The following RAB14 variants were observed in gnomAD, a reference collection of about 807,000 sequenced individuals.
RAB14 encodes the protein ras-related protein Rab-14.
In RAB14, 3 loss-of-function variants were observed where a neutral mutation model predicts 31.1. The observed-to-expected ratio is 0.10, with a 90% CI of 0.04 to 0.25. The LOEUF is 0.25. Ranked by LOEUF, RAB14 falls within the 10% of genes least tolerant of loss-of-function variation. The pLI, the probability that RAB14 is intolerant of heterozygous loss-of-function variation, is 1.00. For missense variants in RAB14, 111 were observed against 260.1 expected, an observed-to-expected ratio of 0.43 and a Z score of 3.94; for synonymous variants, 85 against 84.9, an observed-to-expected ratio of 1.00 and a Z score of 0.00.
intron 4 of RAB14, among the ~76,000 whole-genome samples, chr9:121,187,280 G>A (rs1013594954): frequency 7.2e-5 from 11 of 151,930 alleles, no homozygotes; most frequent in African/African-American, 1.4e-4. Context: ...AAAGCATACC[G>A]TAAACAGACC....
rs568619889 is a variant in RAB14 at position 121,198,172 on chromosome 9, T to A, written c.-8+3467A>T. Among the ~76,000 whole-genome samples, 6 of 151,192 alleles carry A rather than the reference T, an allele frequency of 4.0e-5. No homozygotes were observed. In the South Asian group the frequency reaches 1.2e-3, roughly 31 times the overall value. On this transcript the variant is annotated intron_variant, in intron 1 of 7. Coordinates refer to ENST00000373840, the MANE Select transcript of RAB14 (RefSeq NM_016322.4). Reference sequence around the variant, plus strand: ...CCCTGCACTGACTTACTATAATGAATTAAAAATAAAATTTTCTCTACCGAT... The same window carrying A: ...CCCTGCACTGACTTACTATAATGAAATAAAAATAAAATTTTCTCTACCGAT...
At chr9:121,181,703 T>C (rs1367775587) in intron 7 of RAB14, 130 bp from the exon 8 acceptor site, 2 of 553,012 alleles carry the variant, frequency 3.6e-6, no homozygotes, top group Non-Finnish European at 6.0e-6. Flanking sequence ...AATAAGAGAT[T>C]ACCAGAACAC....
chr9:121,195,539 C>T (rs2053710537), intron 1 of RAB14, among the ~76,000 whole-genome samples: 1 of 152,106 alleles, frequency 6.6e-6, no homozygotes, highest in Admixed American at 6.6e-5. Flanking sequence ...TGCTAATTAT[C>T]ATACATTCAT....
chr9:121,191,884 A>C (rs1188640488), intron 3 of RAB14, among the ~76,000 whole-genome samples: 4 of 152,140 alleles, frequency 2.6e-5, no homozygotes, highest in African/African-American at 9.7e-5. Context: ...CTGTAACAGA[A>C]AGTCAGAGAA....
intron 4 of RAB14, among the ~76,000 whole-genome samples, chr9:121,188,365 G>C (rs956914764): frequency 1.5e-4 from 23 of 151,828 alleles, no homozygotes; most frequent in African/African-American, 5.6e-4. Context: ...AGCTGACACA[G>C]AGAGTGAAGT....
chr9:121,196,815 T>A (rs1588372351), intron 1 of RAB14, among the ~76,000 whole-genome samples: 1 of 152,234 alleles, frequency 6.6e-6, no homozygotes, highest in African/African-American at 2.4e-5. Flanking sequence ...TAACTTATAA[T>A]ACTATAATTC....
rs1052375534 is a variant in RAB14 at position 121,194,370 on chromosome 9, G to A, written c.-7-951C>T. On this transcript the variant is annotated intron_variant, in intron 1 of 7. Coordinates refer to ENST00000373840, the MANE Select transcript of RAB14 (RefSeq NM_016322.4). ...TTAGAAGATATTTCAAAAGATCACA[G>A]CCCATTTCTTACCCTCAAATAGACT... Among the ~76,000 whole-genome samples, 6 of 152,130 alleles carry A rather than the reference G, an allele frequency of 3.9e-5. No individual in the cohort carries two copies. The East Asian group carries it at 1.2e-3, about 29-fold the overall frequency.
In RAB14 at chr9:121,180,812, C is replaced by A. The variant is rs1318194920; in HGVS notation, c.*584G>T. On this transcript the variant is annotated 3_prime_UTR_variant, in exon 8 of 8. Transcript: ENST00000373840. ...AAAAGATAAAGCTATTAATTAAGCA[C>A]GAGAGAGAAGATAAATGGATATTTT... 3.3e-5 allele frequency: 5 copies of A among 152,530 alleles called. No homozygotes were observed. Among genetic ancestry groups the A allele is most frequent in the Non-Finnish European group, 7.3e-5 (5 of 68,038 alleles). The allele number at this position is 152,530 out of a possible 1,614,324, so 9.4% of individuals were successfully genotyped here. A position where few individuals can be genotyped will look rare whatever the true frequency, so the allele number is the denominator to read the frequency against.
rs1290611530 is a variant in RAB14 at position 121,180,839 on chromosome 9, CCT to C, written c.*555_*556del. The C allele has an allele frequency of 2.6e-5, 4 of 152,616 alleles. No individual in the cohort carries two copies. The highest frequency in any genetic ancestry group is 2.0e-4 in the Admixed American group (3 of 15,286). 9.5% of individuals were successfully genotyped at this position (152,616 alleles called of 1,614,324 possible). A position where few individuals can be genotyped will look rare whatever the true frequency, so the allele number is the denominator to read the frequency against. On this transcript the variant is annotated 3_prime_UTR_variant, in exon 8 of 8. Coordinates refer to ENST00000373840, the MANE Select transcript of RAB14 (RefSeq NM_016322.4). ...AGAGAGAAGATAAATGGATATTTTC[CCT>C]GTGTGAGGCTAAGACAGAAGCAAAT...
chr9:121,182,960 C>T lies in RAB14; in HGVS notation c.440G>A (p.Gly147Asp). The change falls in exon 7 of 8, where the codon GGC becomes GAC. Residue 147 changes from glycine to aspartate, a missense_variant and splice_region_variant. Coordinates refer to ENST00000373840, the MANE Select transcript of RAB14 (RefSeq NM_016322.4). Reference protein sequence around the residue: ...EEAKQFAEENGLLFLEASAKT... With the variant: ...EEAKQFAEENDLLFLEASAKT... ...TGCACTCGCTTCGAGGAACAATAAG[C>T]CTAAAAATAAAATTCAGACTATAAT... The T allele has an allele frequency of 6.2e-7, 1 of 1,604,274 alleles. No homozygotes were observed. Among genetic ancestry groups the T allele is most frequent in the Non-Finnish European group, 8.5e-7 (1 of 1,173,112 alleles).
At chr9:121,190,807 A>C (rs918878733) in intron 3 of RAB14, 76 bp from the exon 4 acceptor site, 23 of 1,398,428 alleles carry the variant, frequency 1.6e-5, no homozygotes, top group Non-Finnish European at 1.3e-5. Flanking sequence ...AAAATCCACT[A>C]AATAAGCAAA....
In RAB14 at chr9:121,180,282, A is replaced by G. The variant is rs1444869757; in HGVS notation, c.*1114T>C. On this transcript the variant is annotated 3_prime_UTR_variant, in exon 8 of 8. Coordinates refer to ENST00000373840, the MANE Select transcript of RAB14 (RefSeq NM_016322.4). The stretch of plus-strand genomic sequence containing the variant: ...CAGAATCTGACCATTCCAAGAAGAT[A>G]AAGGTATAAAAGCTTAAAATGTGCA... The G allele has an allele frequency of 2.0e-5, 3 of 152,668 alleles. No individual in the cohort carries two copies. Among genetic ancestry groups the G allele is most frequent in the Non-Finnish European group, 2.9e-5 (2 of 68,040 alleles). The allele number at this position is 152,668 out of a possible 1,614,324, so 9.5% of individuals were successfully genotyped here.
chr9:121,183,025 T>C (rs975217779), intron 6 of RAB14, 65 bp from the exon 7 acceptor site: 1 of 1,463,186 alleles, frequency 6.8e-7, no homozygotes, highest in Non-Finnish European at 9.4e-7. Context: ...ACTTCTTTAG[T>C]AACATCTGAA....
rs965976546 is a variant in RAB14 at position 121,183,290 on chromosome 9, T to C, written c.439+21A>G. 3.2e-6 allele frequency: 5 copies of C among 1,573,884 alleles called. No individual in the cohort carries two copies. In the South Asian group the frequency reaches 3.4e-5, roughly 11 times the overall value. On this transcript the variant is annotated intron_variant, in intron 6 of 7. Transcript: ENST00000373840. ...TTAAAAATTCTCCCAATTGTGACCA[T>C]TAAGTCTTAAAGAAACTCACCATTT... is the stretch of plus-strand genomic sequence containing the variant.
intron 1 of RAB14, among the ~76,000 whole-genome samples, chr9:121,195,556 TGA>T (rs1232716190): frequency 6.6e-6 from 1 of 152,182 alleles, no homozygotes; most frequent in African/African-American, 2.4e-5. Context: ...TCATTAAATG[TGA>T]GATAACTAAT....
chr9:121,192,227 GT>G lies in RAB14; in HGVS notation c.53-4del. 6.3e-7 allele frequency: 1 copy of G among 1,582,104 alleles called. No individual in the cohort carries two copies. The highest frequency in any genetic ancestry group is 8.6e-7 in the Non-Finnish European group (1 of 1,163,914). On this transcript the variant is annotated splice_region_variant and splice_polypyrimidine_tract_variant and intron_variant, in intron 2 of 7. Transcript: ENST00000373840. ...AGATTTTCCTACTCCCATGTCCCCTGTTTAAAAAAAAAGAAGTTTCAGGTGG... is the reference window on the plus strand; with the variant it reads ...AGATTTTCCTACTCCCATGTCCCCTGTTAAAAAAAAAGAAGTTTCAGGTGG...
intron 1 of RAB14, among the ~76,000 whole-genome samples, chr9:121,201,237 G>A (rs1000734519): frequency 6.6e-6 from 1 of 152,206 alleles, no homozygotes; most frequent in African/African-American, 2.4e-5. Context: ...GGCGCGGCAC[G>A]CGTGGGTACA....
At chr9:121,200,899 A>T (rs547748026) in intron 1 of RAB14, among the ~76,000 whole-genome samples, 1 of 152,276 alleles carries the variant, frequency 6.6e-6, no homozygotes, top group Admixed American at 6.5e-5. Context: ...AAAACGCTTA[A>T]AACACTCCAG....
rs146438109 is a variant in RAB14, at chr9:121,181,453, C to T, written c.591G>A (p.Pro197=). The T allele has an allele frequency of 2.7e-5, 44 of 1,612,088 alleles. No individual in the cohort carries two copies. The highest frequency in any genetic ancestry group is 9.3e-5 in the African/African-American group (7 of 74,988). ...GTTCACTGGTTAGCCGGCCTCCCTGCGGGGCTGAAGGTTTGTGTTGTACAC... is the reference window on the plus strand; with the variant it reads ...GTTCACTGGTTAGCCGGCCTCCCTGTGGGGCTGAAGGTTTGTGTTGTACAC... The part of the protein sequence containing the change: ...ESGVQHKPSA[P]QGGRLTSEPQ... Residue 197 remains proline (P), a synonymous_variant, in exon 8 of 8, where the codon CCG becomes CCA. Transcript: ENST00000373840.
Sources: gnomAD v4.1 joint callset for allele counts (sites outside exome capture counted in the v4.1 genomes callset) on GRCh38, gnomAD v4.1.1 for gene constraint, MANE v1.5 for transcripts, NCBI Gene and HGNC (gene_info 2026-07-23, HGNC 2026-07-21) for gene names.